The following KDM3A variants were observed in gnomAD, a reference collection of about 807,000 sequenced individuals.
KDM3A encodes the protein lysine-specific demethylase 3A.
In KDM3A, 60 loss-of-function variants were observed where a neutral mutation model predicts 158.0. The observed-to-expected ratio is 0.38, with a 90% CI of 0.31 to 0.47. KDM3A has a LOEUF of 0.47. KDM3A is among the 20% of genes least tolerant of loss of function. The pLI, the probability that KDM3A is intolerant of heterozygous loss-of-function variation, is 0.99. For missense variants in KDM3A, 1,319 were observed against 1,574.3 expected, an observed-to-expected ratio of 0.84 and a Z score of 2.74; for synonymous variants, 608 against 549.3, an observed-to-expected ratio of 1.11 and a Z score of -1.49.
At chr2:86,472,410 A>G (rs750307017) in intron 11 of KDM3A, among the ~76,000 whole-genome samples, 5 of 151,950 alleles carry the variant, frequency 3.3e-5, no homozygotes, top group South Asian at 2.1e-4. Flanking sequence ...TCAAGTTTGT[A>G]TCTCATTAAA....
chr2:86,438,217 T>C (rs560939223), upstream of KDM3A, among the ~76,000 whole-genome samples: 1 of 152,288 alleles, frequency 6.6e-6, no homozygotes, highest in African/African-American at 2.4e-5. Flanking sequence ...GGTGTATCTA[T>C]TGAGATAATC....
intron 21 of KDM3A, chr2:86,489,013 C>A: frequency 3.3e-6 from 1 of 302,540 alleles, no homozygotes. Context: ...CCCCAGAACT[C>A]CTAGGCTGTG....
At chr2:86,442,664 A>G (rs4594437) in intron 2 of KDM3A, 1 of 154,950 alleles carries the variant, frequency 6.5e-6, no homozygotes, top group African/African-American at 2.4e-5. Flanking sequence ...CTCAACTTTT[A>G]AAAAAACTTT....
chr2:86,457,124 A>T (rs1440109490), intron 8 of KDM3A, 53 bp downstream of exon 8: 6 of 670,480 alleles, frequency 8.9e-6, no homozygotes, highest in Non-Finnish European at 1.4e-5. Context: ...CCAACATTGC[A>T]TGGCTAGTTT....
At chr2:86,481,859 C>A in intron 16 of KDM3A, 71 bp from the exon 17 acceptor site, 1 of 1,161,754 alleles carries the variant, frequency 8.6e-7, no homozygotes, top group Non-Finnish European at 1.3e-6. Context: ...AGTAATTCTG[C>A]TAGTAGAATA....
At position 86,456,896 on chromosome 2, in the gene KDM3A, ATCTT is replaced by A. The variant is rs773090879; in HGVS notation, c.754+24_754+27del. 1.9e-6 allele frequency: 3 copies of A among 1,594,564 alleles called. No homozygotes were observed. Among genetic ancestry groups the A allele is most frequent in the South Asian group, 1.1e-5 (1 of 90,072 alleles). On this transcript the variant is annotated intron_variant, in intron 7 of 25. Transcript: ENST00000312912. ...ACATGTGGTAAGATATGTTATTAAA[ATCTT>A]TCTTCTCCTTCCTCCTTTCCTCCGT...
intron 12 of KDM3A, among the ~76,000 whole-genome samples, chr2:86,477,021 G>A (rs1319350188): frequency 2.6e-5 from 4 of 152,166 alleles, no homozygotes; most frequent in Non-Finnish European, 4.4e-5. Flanking sequence ...TCCTCCCTTT[G>A]CTCATACTTC....
At chr2:86,450,207 C>T (rs987855317) in intron 3 of KDM3A, among the ~76,000 whole-genome samples, 2 of 152,204 alleles carry the variant, frequency 1.3e-5, no homozygotes, top group East Asian at 3.9e-4. Flanking sequence ...AACTAGCAGT[C>T]ATATGCAAAC....
At chr2:86,460,329 G>C (rs769970531) in intron 8 of KDM3A, among the ~76,000 whole-genome samples, 1 of 152,074 alleles carries the variant, frequency 6.6e-6, no homozygotes, top group Non-Finnish European at 1.5e-5. Context: ...TTTCGTTCTG[G>C]GTGATTCTTG....
chr2:86,481,849 A>G (rs1372092070), intron 16 of KDM3A, 81 bp from the exon 17 acceptor site: 10 of 1,075,204 alleles, frequency 9.3e-6, no homozygotes, highest in Admixed American at 2.2e-5. Context: ...CAAGTTCTAA[A>G]GTAATTCTGC....
chr2:86,455,192 A>T lies in KDM3A; in HGVS notation c.556+5A>T, dbSNP rs1460545827. The stretch of plus-strand genomic sequence containing the variant: ...ATGAAAGCCATCTTTTAAAAGGTAT[A>T]TGCATTATCTAGTGGTGATAGTTCA... On this transcript the variant is annotated splice_donor_5th_base_variant and intron_variant, in intron 5 of 25. Transcript: ENST00000312912. 4.0e-6 allele frequency: 6 copies of T among 1,494,152 alleles called. No individual in the cohort carries two copies. The Admixed American group carries it at 1.0e-4, about 26-fold the overall frequency. 92.6% of individuals were successfully genotyped at this position (1,494,152 alleles called of 1,614,324 possible).
At chr2:86,450,062 A>G (rs951287992) in intron 3 of KDM3A, 100 bp downstream of exon 3, 61 of 1,268,674 alleles carry the variant, frequency 4.8e-5, no homozygotes, top group Non-Finnish European at 6.4e-5. Flanking sequence ...AAGTCAGAAA[A>G]GCTCCCAGGA....
At chr2:86,465,241 C>A (rs753075891) in intron 9 of KDM3A, among the ~76,000 whole-genome samples, 1 of 152,168 alleles carries the variant, frequency 6.6e-6, no homozygotes, top group African/African-American at 2.4e-5. Flanking sequence ...CCAAATCGTT[C>A]TGTGAATAAC....
upstream of KDM3A, chr2:86,440,991 A>T (rs1227381012): frequency 6.6e-6 from 1 of 152,236 alleles, no homozygotes; most frequent in Non-Finnish European, 1.5e-5. Context: ...GGGTCTCGCC[A>T]TTCAGTCTTA....
intron 11 of KDM3A, 35 bp from the exon 12 acceptor site, chr2:86,474,741 G>A (rs879166487): frequency 9.4e-7 from 1 of 1,058,934 alleles, no homozygotes; most frequent in Non-Finnish European, 1.5e-6. Context: ...GTGTGTGTGT[G>A]TACATTACAT....
intron 10 of KDM3A, among the ~76,000 whole-genome samples, chr2:86,469,821 C>T (rs1673321889): frequency 6.6e-6 from 1 of 152,186 alleles, no homozygotes; most frequent in Admixed American, 6.5e-5. Context: ...ACAGAATGGA[C>T]ATCTACTAAG....
intron 23 of KDM3A, chr2:86,490,089 CTACT>C (rs371588490): frequency 0.012 from 1,888 of 154,094 alleles, 18 homozygotes; most frequent in Middle Eastern, 0.036. Context: ...GCAAGTGGTC[CTACT>C]TGTTACTAGC....
intron 11 of KDM3A, among the ~76,000 whole-genome samples, chr2:86,471,290 T>G: frequency 6.6e-6 from 1 of 151,902 alleles, no homozygotes; most frequent in East Asian, 1.9e-4. Flanking sequence ...TGTATATATG[T>G]ATATATGTGT....
chr2:86,474,423 G>T (rs916004598), intron 11 of KDM3A, among the ~76,000 whole-genome samples: 1 of 132,752 alleles, frequency 7.5e-6, no homozygotes, highest in Non-Finnish European at 1.7e-5. Flanking sequence ...AGCACTTTGG[G>T]AGGCTGAGGC....
Sources: allele counts gnomAD v4.1 joint callset (sites outside exome capture counted in the v4.1 genomes callset), GRCh38; gene constraint gnomAD v4.1.1; transcripts MANE v1.5; gene names NCBI Gene and HGNC (gene_info 2026-07-23, HGNC 2026-07-21).